Variants in PAPPA observed in about 807,000 individuals in gnomAD.
The protein encoded by PAPPA is pappalysin-1.
PAPPA carries 60 observed loss-of-function variants against 164.0 expected under a neutral mutation model. The observed-to-expected ratio is 0.37, with a 90% CI of 0.30 to 0.45. PAPPA has a LOEUF of 0.45. Among genes scored for constraint, PAPPA ranks in the 20% least tolerant of loss-of-function variants. The probability of loss-of-function intolerance (pLI) is 1.00; values close to 1 mark genes in which losing one functional copy is unlikely to be tolerated. For synonymous variants in PAPPA, 875 were observed against 814.1 expected, an observed-to-expected ratio of 1.07 and a Z score of -1.27; for missense variants, 1,782 against 2,087.3, an observed-to-expected ratio of 0.85 and a Z score of 2.85.
Position 116,396,650 on chromosome 9 carries a change from GCCAGGAC to G in PAPPA, c.*38_*44del. ...AAGAAGTTGTCAAAGAATTCCCAACGCCAGGACCCACATCCCTTTGGTATTGATTTCA... is the reference window on the plus strand; with the variant it reads ...AAGAAGTTGTCAAAGAATTCCCAACGCCACATCCCTTTGGTATTGATTTCA... On this transcript the variant is annotated 3_prime_UTR_variant, in exon 22 of 22. Coordinates refer to ENST00000328252, the MANE Select transcript of PAPPA (RefSeq NM_002581.5). 1.3e-6 allele frequency: 1 copy of G among 777,098 alleles called. No individual in the cohort carries two copies. The highest frequency in any genetic ancestry group is 1.3e-5 in the South Asian group (1 of 74,130). 48.1% of individuals were successfully genotyped at this position (777,098 alleles called of 1,614,324 possible). A position where few individuals can be genotyped will look rare whatever the true frequency, so the allele number is the denominator to read the frequency against.
At chr9:116,355,579 A>G (rs1451175784) in intron 17 of PAPPA, among the ~76,000 whole-genome samples, 1 of 152,214 alleles carries the variant, frequency 6.6e-6, no homozygotes, top group Non-Finnish European at 1.5e-5. Context: ...GGCCTCTTGC[A>G]GGCTGATCAG....
chr9:116,236,977 C>T (rs1186010312), intron 7 of PAPPA, among the ~76,000 whole-genome samples: 2 of 152,186 alleles, frequency 1.3e-5, no homozygotes, highest in African/African-American at 2.4e-5. Flanking sequence ...ATAGAGTCTT[C>T]GCCATCTAAC....
At chr9:116,196,546 C>T (rs1246116801) in intron 2 of PAPPA, among the ~76,000 whole-genome samples, 1 of 152,214 alleles carries the variant, frequency 6.6e-6, no homozygotes, top group Non-Finnish European at 1.5e-5. Context: ...AAGTTGGTTA[C>T]AGCTCAGCTT....
chr9:116,252,490 C>T (rs557108648), intron 7 of PAPPA, among the ~76,000 whole-genome samples: 9 of 152,046 alleles, frequency 5.9e-5, no homozygotes, highest in Admixed American at 1.3e-4. Flanking sequence ...TAAGGGGGCA[C>T]CTGAAGTGGA....
intron 9 of PAPPA, among the ~76,000 whole-genome samples, chr9:116,276,877 G>C (rs1471259916): frequency 2.0e-5 from 3 of 152,152 alleles, no homozygotes; most frequent in Admixed American, 1.3e-4. Flanking sequence ...GAGAGGAGAA[G>C]AATCGGTCTG....
intron 10 of PAPPA, among the ~76,000 whole-genome samples, chr9:116,326,332 G>A (rs1845920133): frequency 6.6e-6 from 1 of 151,948 alleles, no homozygotes; most frequent in African/African-American, 2.4e-5. Flanking sequence ...GTTGTCCCAG[G>A]ACAACAAAGC....
intron 9 of PAPPA, among the ~76,000 whole-genome samples, chr9:116,293,092 G>T (rs1157990735): frequency 1.3e-5 from 2 of 152,122 alleles, no homozygotes; most frequent in Non-Finnish European, 2.9e-5. Flanking sequence ...TTGGTGGAGT[G>T]GTGAGTATAG....
intron 17 of PAPPA, among the ~76,000 whole-genome samples, chr9:116,354,920 T>A (rs1009431462): frequency 6.6e-6 from 1 of 151,548 alleles, no homozygotes; most frequent in African/African-American, 2.4e-5. Context: ...GCCAATAAGA[T>A]GGATTTTCCC....
At chr9:116,260,306 T>C (rs147888176) in intron 7 of PAPPA, among the ~76,000 whole-genome samples, 55 of 152,336 alleles carry the variant, frequency 3.6e-4, no homozygotes, top group Non-Finnish European at 6.5e-4. Flanking sequence ...TTTGTTATAG[T>C]ATAGTCTGTA....
At chr9:116,188,647 A>G (rs1302759731) in intron 2 of PAPPA, among the ~76,000 whole-genome samples, 1 of 152,236 alleles carries the variant, frequency 6.6e-6, no homozygotes, top group Non-Finnish European at 1.5e-5. Context: ...TTCATTAGCC[A>G]CATTTCAAGT....
intron 1 of PAPPA, among the ~76,000 whole-genome samples, chr9:116,165,100 G>T (rs543654010): frequency 6.6e-6 from 1 of 152,262 alleles, no homozygotes; most frequent in East Asian, 1.9e-4. Context: ...CTGCCCAAAA[G>T]CTTTGTGTCA....
intron 18 of PAPPA, among the ~76,000 whole-genome samples, chr9:116,363,959 A>ATGAT (rs1359686712): frequency 6.6e-6 from 1 of 152,198 alleles, no homozygotes; most frequent in African/African-American, 2.4e-5. Context: ...ACCAAAACAC[A>ATGAT]TGATTGCTCT....
Position 116,331,327 on chromosome 9 carries a change from C to T in PAPPA, c.3231C>T (p.Ser1077=). ...CTTGCACCATCAGCTACCCATATTC[C>T]CAGCTGGCTCAGACCACTTTTTGGC... ...WYPCTISYPY[S]QLAQTTFWLR... The change falls in exon 11 of 22, where the codon TCC becomes TCT. Residue 1077 remains serine, a synonymous_variant. Transcript: ENST00000328252. The T allele has an allele frequency of 1.2e-6, 2 of 1,613,526 alleles. No homozygotes were observed. Among genetic ancestry groups the T allele is most frequent in the Non-Finnish European group, 1.7e-6 (2 of 1,179,444 alleles).
rs34749732 is a variant in PAPPA at position 116,322,410 on chromosome 9, CAA to C, written c.3148-8812_3148-8811del. 5.0e-3 allele frequency among the ~76,000 whole-genome samples: 280 copies of C among 56,336 alleles called. 2 individuals are homozygous for C. Among genetic ancestry groups the C allele is most frequent in the African/African-American group, 0.018 (259 of 14,302 alleles). 37.0% of individuals were successfully genotyped at this position (56,336 alleles called of 152,430 possible). A position where few individuals can be genotyped will look rare whatever the true frequency, so the allele number is the denominator to read the frequency against. ...GGGGTACAATAGGAAGACTTAGTCT[CAA>C]AAAAAAAAAAAAAAAAAAAAAGAGC... On this transcript the variant is annotated intron_variant, in intron 10 of 21. Coordinates refer to ENST00000328252, the MANE Select transcript of PAPPA (RefSeq NM_002581.5).
chr9:116,236,978 G>T (rs1416217247), intron 7 of PAPPA, among the ~76,000 whole-genome samples: 1 of 152,178 alleles, frequency 6.6e-6, no homozygotes, highest in Non-Finnish European at 1.5e-5. Flanking sequence ...TAGAGTCTTC[G>T]CCATCTAACT....
chr9:116,367,765 A>G lies in PAPPA; in HGVS notation c.4605+11A>G, dbSNP rs1337311590. 1.3e-6 allele frequency: 2 copies of G among 1,572,138 alleles called. No homozygotes were observed. The highest frequency in any genetic ancestry group is 1.8e-6 in the Non-Finnish European group (2 of 1,142,424). On this transcript the variant is annotated intron_variant, in intron 19 of 21. Coordinates refer to ENST00000328252, the MANE Select transcript of PAPPA (RefSeq NM_002581.5). The stretch of plus-strand genomic sequence containing the variant: ...CCCACACGGGTAGAGGTGAGTGACC[A>G]GGGACATCTACCCACCTGCAGCTAA...
chr9:116,281,970 G>A (rs532020634), intron 9 of PAPPA, among the ~76,000 whole-genome samples: 2 of 152,282 alleles, frequency 1.3e-5, no homozygotes, highest in Admixed American at 6.5e-5. Context: ...CTTATTAAGT[G>A]ACAGAGTTGA....
In PAPPA at chr9:116,312,994, A is replaced by G. The variant is rs996851151; in HGVS notation, c.3147+10044A>G. On this transcript the variant is annotated intron_variant, in intron 10 of 21. Coordinates refer to ENST00000328252, the MANE Select transcript of PAPPA (RefSeq NM_002581.5). Reference sequence around the variant, plus strand: ...GCTACTCGGGAGGCTGAGGCAGAAGAATGGCGTGAACCCGGGAGGCAGAGC... The same window carrying G: ...GCTACTCGGGAGGCTGAGGCAGAAGGATGGCGTGAACCCGGGAGGCAGAGC... 2.7e-5 allele frequency among the ~76,000 whole-genome samples: 4 copies of G among 150,390 alleles called. No individual in the cohort carries two copies. The Admixed American group carries it at 2.7e-4, about 10-fold the overall frequency.
intron 10 of PAPPA, among the ~76,000 whole-genome samples, chr9:116,314,871 T>G (rs1226621445): frequency 1.3e-5 from 2 of 152,222 alleles, no homozygotes; most frequent in East Asian, 3.8e-4. Flanking sequence ...CTTCTGGAAT[T>G]ATCAGACAGG....
Sources: gnomAD v4.1 joint callset for allele counts (sites outside exome capture counted in the v4.1 genomes callset) on GRCh38, gnomAD v4.1.1 for gene constraint, MANE v1.5 for transcripts, NCBI Gene and HGNC (gene_info 2026-07-23, HGNC 2026-07-21) for gene names.